Variants in DIXDC1 observed in about 807,000 individuals in gnomAD.
The protein encoded by DIXDC1 is DIX domain containing 1, also known as dixin.
In DIXDC1, 64 loss-of-function variants were observed where a neutral mutation model predicts 103.1. The observed-to-expected ratio is 0.62, with a 90% CI of 0.51 to 0.76. The LOEUF (loss-of-function observed/expected upper bound fraction) is 0.76. DIXDC1 is among the 30% of genes least tolerant of loss of function. The pLI, the probability that DIXDC1 is intolerant of heterozygous loss-of-function variation, is 0.00. For missense variants in DIXDC1, 759 were observed against 834.2 expected, an observed-to-expected ratio of 0.91 and a Z score of 1.11; for synonymous variants, 266 against 298.5, an observed-to-expected ratio of 0.89 and a Z score of 1.12.
At chr11:111,978,828 T>G (rs1860206536) in intron 5 of DIXDC1, among the ~76,000 whole-genome samples, 1 of 152,230 alleles carries the variant, frequency 6.6e-6, no homozygotes. Context: ...GGCCGCTTTC[T>G]ACACTTGGAT....
At chr11:111,940,754 A>T (rs1477484867) in intron 1 of DIXDC1, among the ~76,000 whole-genome samples, 2 of 152,186 alleles carry the variant, frequency 1.3e-5, no homozygotes, top group Non-Finnish European at 2.9e-5. Context: ...GGGTGTACTG[A>T]TATGAAAAGG....
intron 2 of DIXDC1, among the ~76,000 whole-genome samples, chr11:111,966,975 G>A (rs587663899): frequency 7.4e-4 from 113 of 152,208 alleles, no homozygotes; most frequent in Non-Finnish European, 1.2e-3. Context: ...AGTTGATAAC[G>A]CCCTTCTCTT....
At chr11:111,982,096 C>T (rs1184398671) in intron 6 of DIXDC1, 3 of 341,286 alleles carry the variant, frequency 8.8e-6, no homozygotes, top group Non-Finnish European at 1.6e-5. Flanking sequence ...TGGAGGGAAT[C>T]TTAATACTTC....
At chr11:111,955,561 G>A (rs7109257) in intron 1 of DIXDC1, among the ~76,000 whole-genome samples, 7,641 of 151,762 alleles carry the variant, frequency 0.05, 656 homozygotes, top group African/African-American at 0.17. Context: ...TTGGCCCGGT[G>A]CGGTGGCTCA....
intron 6 of DIXDC1, 47 bp from the exon 7 acceptor site, chr11:111,982,292 A>G: frequency 1.3e-6 from 2 of 1,588,358 alleles, no homozygotes; most frequent in Non-Finnish European, 1.7e-6. Flanking sequence ...TCTGCTGGAA[A>G]TCAGTTTTCT....
intron 10 of DIXDC1, among the ~76,000 whole-genome samples, chr11:111,990,021 AC>A (rs1555174364): frequency 1.4e-5 from 2 of 147,770 alleles, no homozygotes; most frequent in Non-Finnish European, 3.0e-5. Flanking sequence ...CCATCTCCTG[AC>A]CTTGTGATCT....
intron 5 of DIXDC1, chr11:111,975,364 G>C: frequency 9.4e-7 from 1 of 1,060,826 alleles, no homozygotes; most frequent in Non-Finnish European, 1.1e-6. Flanking sequence ...TCTTAAGGCC[G>C]GAAAAGTCTG....
intron 17 of DIXDC1, among the ~76,000 whole-genome samples, chr11:112,013,906 C>T (rs1486037632): frequency 1.1e-4 from 17 of 152,104 alleles, no homozygotes; most frequent in African/African-American, 4.1e-4. Flanking sequence ...GGCTTTCACT[C>T]ACGGCAGAAG....
chr11:111,996,192 C>A, intron 17 of DIXDC1, 46 bp downstream of exon 17: 1 of 1,530,292 alleles, frequency 6.5e-7, no homozygotes, highest in Non-Finnish European at 8.9e-7. Context: ...CATATTAGAC[C>A]AGAAATTTAG....
chr11:111,959,811 A>G (rs1292282883), intron 1 of DIXDC1, among the ~76,000 whole-genome samples: 6 of 152,350 alleles, frequency 3.9e-5, no homozygotes, highest in African/African-American at 1.4e-4. Flanking sequence ...AGAATGAAAA[A>G]TAATACTTAG....
rs185188716 is a variant in DIXDC1 at position 111,969,569 on chromosome 11, G to A, written c.316+931G>A. On this transcript the variant is annotated intron_variant, in intron 3 of 19. Transcript: ENST00000440460. ...GTTTGCTGGGCTATTTTGAGCCCAG[G>A]CTTCAAGGGAGGAACAGTGTAGGTG... Among the ~76,000 whole-genome samples the A allele has an allele frequency of 6.8e-3, 1,036 of 152,224 alleles. 5 individuals are homozygous for A. Among genetic ancestry groups the A allele is most frequent in the Middle Eastern group, 0.051 (15 of 294 alleles).
intron 1 of DIXDC1, among the ~76,000 whole-genome samples, chr11:111,960,266 A>T (rs1274291085): frequency 6.6e-6 from 1 of 151,094 alleles, no homozygotes; most frequent in African/African-American, 2.4e-5. Flanking sequence ...AGGGAGCATC[A>T]GGTTCTAGGT....
chr11:112,003,273 T>G (rs1338443599), intron 17 of DIXDC1, among the ~76,000 whole-genome samples: 2 of 151,054 alleles, frequency 1.3e-5, no homozygotes, highest in Non-Finnish European at 3.0e-5. Flanking sequence ...GAGGCTGAGG[T>G]GGGCAAAACC....
At chr11:111,941,166 A>G (rs1332556610) in intron 1 of DIXDC1, among the ~76,000 whole-genome samples, 1 of 152,228 alleles carries the variant, frequency 6.6e-6, no homozygotes, top group Admixed American at 6.5e-5. Context: ...CTGTAATCCC[A>G]GCTACTCGGG....
intron 17 of DIXDC1, among the ~76,000 whole-genome samples, chr11:112,004,069 T>C (rs1861156946): frequency 6.8e-6 from 1 of 147,394 alleles, no homozygotes; most frequent in African/African-American, 2.5e-5. Context: ...TATATGTGTA[T>C]ATATATGTGT....
At chr11:111,980,143 A>C (rs1301934828) in intron 5 of DIXDC1, among the ~76,000 whole-genome samples, 1 of 152,100 alleles carries the variant, frequency 6.6e-6, no homozygotes, top group Non-Finnish European at 1.5e-5. Flanking sequence ...TAGCTCAATT[A>C]CTGATATATA....
At chr11:111,990,102 T>TA (rs1415663217) in intron 10 of DIXDC1, among the ~76,000 whole-genome samples, 5 of 115,960 alleles carry the variant, frequency 4.3e-5, no homozygotes, top group African/African-American at 1.6e-4. Flanking sequence ...TTTTTTTTTT[T>TA]AATGTTGACA....
At chr11:111,975,468 T>A (rs782152723) in intron 5 of DIXDC1, 191 of 1,002,180 alleles carry the variant, frequency 1.9e-4, no homozygotes, top group Non-Finnish European at 2.2e-4. Flanking sequence ...GGCTGATTAG[T>A]ATGTGTTTGA....
rs782476045 is a variant in DIXDC1 at position 111,986,884 on chromosome 11, G to A, written c.1022G>A (p.Ser341Asn). 5.1e-6 allele frequency: 8 copies of A among 1,573,806 alleles called. No homozygotes were observed. Among genetic ancestry groups the A allele is most frequent in the South Asian group, 1.2e-5 (1 of 85,768 alleles). ...NPEEQLIIIQ[S>N]RLDQSMEENQ... The stretch of plus-strand genomic sequence containing the variant: ...TCTTATATTCAGATTATAATCCAAA[G>A]TCGTCTGGATCAGAGTATGGAGGAG... Residue 341 changes from serine (S) to asparagine (N), a missense_variant, in exon 9 of 20, where the codon AGT becomes AAT. Coordinates refer to ENST00000440460, the MANE Select transcript of DIXDC1 (RefSeq NM_001037954.4).
Sources: allele counts gnomAD v4.1 joint callset (sites outside exome capture counted in the v4.1 genomes callset), GRCh38; gene constraint gnomAD v4.1.1; transcripts MANE v1.5; gene names NCBI Gene and HGNC (gene_info 2026-07-23, HGNC 2026-07-21).